The following KIF26B variants were observed in gnomAD, a reference collection of about 807,000 sequenced individuals.
The protein encoded by KIF26B is kinesin-like protein KIF26B.
In KIF26B, 63 loss-of-function variants were observed where a neutral mutation model predicts 151.2. The observed-to-expected ratio is 0.42, with a 90% CI of 0.34 to 0.51. The LOEUF (loss-of-function observed/expected upper bound fraction) is 0.51. Ranked by LOEUF, KIF26B falls within the 20% of genes least tolerant of loss-of-function variation. The pLI, the probability that KIF26B is intolerant of heterozygous loss-of-function variation, is 0.07. For missense variants in KIF26B, 2,813 were observed against 2,913.6 expected (o/e 0.97, Z 0.79); for synonymous variants, 1,357 against 1,262.1 (o/e 1.08, Z -1.59).
intron 4 of KIF26B, among the ~76,000 whole-genome samples, chr1:245,502,113 A>G (rs1427033392): frequency 1.3e-5 from 2 of 152,242 alleles, no homozygotes; most frequent in Admixed American, 6.5e-5. Flanking sequence ...ACTACTTTAT[A>G]TGGACAGTGA....
At chr1:245,232,272 A>G (rs1193560099) in intron 2 of KIF26B, among the ~76,000 whole-genome samples, 1 of 152,220 alleles carries the variant, frequency 6.6e-6, no homozygotes, top group African/African-American at 2.4e-5. Flanking sequence ...TAATTAATGG[A>G]GCTTGGAAAA....
rs368330762 is a variant in KIF26B at position 245,688,788 on chromosome 1, G to A, written c.5805G>A (p.Pro1935=). ...VGGRCRSLKT[P]KKRSNPGSQR... is the part of the protein sequence containing the mutation. ...GCAGGTGCCGGAGCCTCAAGACCCCGAAGAAACGCTCCAATCCAGGTAGGC... is the reference window on the plus strand; with the variant it reads ...GCAGGTGCCGGAGCCTCAAGACCCCAAAGAAACGCTCCAATCCAGGTAGGC... The change falls in exon 12 of 15, where the codon CCG becomes CCA. Residue 1935 remains proline, a synonymous_variant. Coordinates refer to ENST00000407071, the MANE Select transcript of KIF26B (RefSeq NM_018012.4). The A allele has an allele frequency of 9.5e-6, 15 of 1,587,286 alleles. No homozygotes were observed. The African/African-American group carries it at 1.2e-4, about 13-fold the overall frequency.
At chr1:245,298,446 CA>C (rs1671374060) in intron 2 of KIF26B, among the ~76,000 whole-genome samples, 2 of 152,138 alleles carry the variant, frequency 1.3e-5, no homozygotes, top group African/African-American at 4.8e-5. Flanking sequence ...GCTCATGTGA[CA>C]GGCAAAATCA....
intron 4 of KIF26B, among the ~76,000 whole-genome samples, chr1:245,528,932 CAGAAAT>C (rs1284814178): frequency 2.6e-5 from 4 of 152,136 alleles, no homozygotes; most frequent in East Asian, 1.9e-4. Context: ...GCTGGACAGA[CAGAAAT>C]AGAAAAGTGC....
At chr1:245,692,409 G>C (rs2044637574) in intron 12 of KIF26B, among the ~76,000 whole-genome samples, 1 of 152,202 alleles carries the variant, frequency 6.6e-6, no homozygotes. Context: ...CAAGGCAAAG[G>C]CTGCAGAGAA....
At chr1:245,427,264 G>C in intron 4 of KIF26B, among the ~76,000 whole-genome samples, 1 of 152,146 alleles carries the variant, frequency 6.6e-6, no homozygotes, top group Non-Finnish European at 1.5e-5. Context: ...TCACAACTTG[G>C]AACAGTTAAT....
At chr1:245,279,866 T>C (rs1671007758) in intron 2 of KIF26B, among the ~76,000 whole-genome samples, 2 of 152,114 alleles carry the variant, frequency 1.3e-5, no homozygotes, top group African/African-American at 4.8e-5. Context: ...ATACCTTTGC[T>C]TCATTTTTTT....
rs1436302768 is a variant in KIF26B at position 245,602,796 on chromosome 1, C to A, written c.1557+13C>A. 1 of 1,612,176 alleles carries A rather than the reference C, an allele frequency of 6.2e-7. No individual in the cohort carries two copies. The highest frequency in any genetic ancestry group is 1.1e-5 in the South Asian group (1 of 91,000). On this transcript the variant is annotated intron_variant, in intron 6 of 14. Transcript: ENST00000407071. The surrounding 1 kb of genome is among the most constrained non-coding windows in gnomAD (Gnocchi z 4.5). ...AGACGCTTCTCAGGTGGGTATCAGC[C>A]CCCTCTCAGGCTCAGGCAACGTTGA...
intron 4 of KIF26B, among the ~76,000 whole-genome samples, chr1:245,444,604 T>C (rs1332849446): frequency 1.3e-5 from 2 of 152,390 alleles, no homozygotes; most frequent in African/African-American, 4.8e-5. Flanking sequence ...TGAGTTCAGA[T>C]GCCTTTGATT....
At chr1:245,446,997 A>T (rs1659263306) in intron 4 of KIF26B, among the ~76,000 whole-genome samples, 1 of 152,208 alleles carries the variant, frequency 6.6e-6, no homozygotes, top group African/African-American at 2.4e-5. Context: ...CTGTAAATAT[A>T]GGTGGGCCAT....
At chr1:245,625,981 T>A (rs1220115155) in intron 9 of KIF26B, among the ~76,000 whole-genome samples, 1 of 152,208 alleles carries the variant, frequency 6.6e-6, no homozygotes, top group Non-Finnish European at 1.5e-5. Flanking sequence ...AATGACAGGA[T>A]TTGAGTTTTT....
intron 2 of KIF26B, among the ~76,000 whole-genome samples, chr1:245,175,113 A>G (rs1306883151): frequency 1.3e-5 from 2 of 152,178 alleles, no homozygotes; most frequent in African/African-American, 2.4e-5. Context: ...GTGAAAAGCT[A>G]GAACAGTGGC....
chr1:245,366,573 G>A (rs777797992), intron 2 of KIF26B, among the ~76,000 whole-genome samples: 10 of 151,382 alleles, frequency 6.6e-5, no homozygotes, highest in Admixed American at 1.3e-4. Context: ...CCAGCCTGGC[G>A]AAGAAGATAC....
At chr1:245,662,647 CACAT>C (rs200892361) in intron 10 of KIF26B, among the ~76,000 whole-genome samples, 57,879 of 98,866 alleles carry the variant, frequency 0.59, 17,544 homozygotes, top group East Asian at 0.75. Context: ...TACACACACA[CACAT>C]CCAATACATA....
At chr1:245,604,697 G>A (rs925882181) in intron 6 of KIF26B, among the ~76,000 whole-genome samples, 37 of 152,326 alleles carry the variant, frequency 2.4e-4, no homozygotes, top group African/African-American at 7.9e-4. Context: ...TTAATTGCTA[G>A]TCTTTGTTTA....
intron 4 of KIF26B, among the ~76,000 whole-genome samples, chr1:245,471,481 A>G (rs1314096904): frequency 6.6e-6 from 1 of 152,176 alleles, no homozygotes; most frequent in Non-Finnish European, 1.5e-5. Flanking sequence ...ACCTATAAAG[A>G]TATAGAAGTT....
chr1:245,168,320 G>A (rs1668649349), intron 2 of KIF26B, among the ~76,000 whole-genome samples: 1 of 152,228 alleles, frequency 6.6e-6, no homozygotes, highest in African/African-American at 2.4e-5. Flanking sequence ...GAAGCCAAGC[G>A]GAGGGGCCGG....
chr1:245,364,947 A>G (rs947292539), intron 2 of KIF26B, among the ~76,000 whole-genome samples: 6 of 152,244 alleles, frequency 3.9e-5, no homozygotes, highest in Admixed American at 3.3e-4. Flanking sequence ...TTTCCTAGTG[A>G]AAACATGGGG....
chr1:245,698,223 G>A lies in KIF26B; in HGVS notation c.5942G>A (p.Arg1981Lys). 6.2e-7 allele frequency: 1 copy of A among 1,614,036 alleles called. No homozygotes were observed. The highest frequency in any genetic ancestry group is 8.5e-7 in the Non-Finnish European group (1 of 1,179,902). The change falls in exon 13 of 15, where the codon AGG (arginine) becomes AAG (lysine). Residue 1981 changes from arginine (R) to lysine (K), a missense_variant. Coordinates refer to ENST00000407071, the MANE Select transcript of KIF26B (RefSeq NM_018012.4). The surrounding 1 kb of genome is among the most constrained non-coding windows in gnomAD (Gnocchi z 4.0). The stretch of plus-strand genomic sequence containing the variant: ...GATGGCCCCTTGCGGAGCAGCCCGA[G>A]GGGCCTTGGGGAACCCTTTGAGATT... ...WVDGPLRSSP[R>K]GLGEPFEIKV...
Sources: allele counts gnomAD v4.1 joint callset (sites outside exome capture counted in the v4.1 genomes callset), GRCh38; gene constraint gnomAD v4.1.1; non-coding constraint Gnocchi (gnomAD v3.1); transcripts MANE v1.5; gene names NCBI Gene and HGNC (gene_info 2026-07-23, HGNC 2026-07-21).